Variants in CPNE3 observed in about 807,000 individuals in gnomAD.
The protein encoded by CPNE3 is copine-3.
Under a neutral mutation model 63.9 loss-of-function variants are expected in CPNE3, and 68 were observed. The observed-to-expected ratio is 1.06, with a 90% CI of 0.87 to 1.30. The LOEUF is 1.30. Ranked by LOEUF, CPNE3 falls within the 50% of genes most tolerant of loss-of-function variation. The pLI, the probability that CPNE3 is intolerant of heterozygous loss-of-function variation, is 0.00. For synonymous variants in CPNE3, 219 were observed against 197.5 expected (o/e 1.11, Z -0.91); for missense variants, 665 against 578.1 (o/e 1.15, Z -1.54).
rs369417999 is a variant in CPNE3 at position 86,528,981 on chromosome 8, C to A, written c.169C>A (p.Pro57Thr). 123 of 1,613,528 alleles carry A rather than the reference C, an allele frequency of 7.6e-5. No individual in the cohort carries two copies. Among genetic ancestry groups the A allele is most frequent in the Non-Finnish European group, 9.7e-5 (115 of 1,179,856 alleles). Residue 57 changes from proline (P) to threonine (T), a missense_variant, in exon 4 of 17, where the codon CCC becomes ACC. Physicochemically the swap from Pro to Thr is conservative, Grantham distance 38 (BLOSUM62 -1). Transcript: ENST00000517490. The stretch of plus-strand genomic sequence containing the variant: ...AGAAAGGATTAAGAATTGCTTGAAT[C>A]CCCAATTTTCCAAGACATTTATTAT... Reference protein sequence around the residue: ...RTERIKNCLNPQFSKTFIIDY... With the variant: ...RTERIKNCLNTQFSKTFIIDY...
intron 4 of CPNE3, among the ~76,000 whole-genome samples, chr8:86,529,509 G>T (rs1265359108): frequency 6.6e-6 from 1 of 152,082 alleles, no homozygotes; most frequent in Non-Finnish European, 1.5e-5. Context: ...GACTCGCAAT[G>T]CCCCAATACC....
intron 4 of CPNE3, among the ~76,000 whole-genome samples, chr8:86,530,195 G>GT (rs1820641520): frequency 6.7e-6 from 1 of 149,542 alleles, no homozygotes; most frequent in Non-Finnish European, 1.5e-5. Context: ...TTTGAGACAG[G>GT]GTCTCACTAA....
intron 14 of CPNE3, among the ~76,000 whole-genome samples, chr8:86,552,300 C>T (rs1191257566): frequency 6.6e-6 from 1 of 152,146 alleles, no homozygotes; most frequent in East Asian, 1.9e-4. Flanking sequence ...TGTTCTTTTC[C>T]CCAGAACACT....
chr8:86,560,764 C>T lies in CPNE3; in HGVS notation c.*2354C>T, dbSNP rs933306775. 1 of 152,152 alleles carries T rather than the reference C, an allele frequency of 6.6e-6. No individual in the cohort carries two copies. Among genetic ancestry groups the T allele is most frequent in the Non-Finnish European group, 1.5e-5 (1 of 68,020 alleles). 9.4% of individuals were successfully genotyped at this position (152,152 alleles called of 1,614,324 possible). On this transcript the variant is annotated 3_prime_UTR_variant, in exon 17 of 17. Coordinates refer to ENST00000517490, the MANE Select transcript of CPNE3 (RefSeq NM_003909.5). Reference sequence around the variant, plus strand: ...TTTTCACAGTTTCAGCACTCAACCTCATCATACGCTGATTTAATATTGTTT... The same window carrying T: ...TTTTCACAGTTTCAGCACTCAACCTTATCATACGCTGATTTAATATTGTTT...
chr8:86,537,755 C>T, intron 7 of CPNE3, 109 bp downstream of exon 7: 1 of 695,674 alleles, frequency 1.4e-6, no homozygotes, highest in East Asian at 2.7e-5. Context: ...TTCATACTTA[C>T]ATATAGCCAG....
In CPNE3 at chr8:86,532,560, G is replaced by A; in HGVS notation, c.439G>A (p.Ala147Thr). 1 of 1,613,120 alleles carries A rather than the reference G, an allele frequency of 6.2e-7. No individual in the cohort carries two copies. The highest frequency in any genetic ancestry group is 8.5e-7 in the Non-Finnish European group (1 of 1,179,534). The change falls in exon 6 of 17, where the codon GCC becomes ACC. Residue 147 changes from alanine (A) to threonine (T), a missense_variant. Ala to Thr is a moderately conservative substitution (Grantham distance 58). Coordinates refer to ENST00000517490, the MANE Select transcript of CPNE3 (RefSeq NM_003909.5). ...DNRVVLFEME[A>T]RKLDNKDLFG... ...TAGAGTGGTCTTGTTTGAAATGGAA[G>A]CCAGAAAACTGGATAATAAGGTGGG...
chr8:86,547,806 TTCC>T (rs754247935), intron 11 of CPNE3, 36 bp downstream of exon 11: 2 of 931,156 alleles, frequency 2.1e-6, no homozygotes, highest in Admixed American at 3.6e-5. Context: ...CATAGGCTTT[TTCC>T]TCCATGTTGC....
chr8:86,530,124 TG>T (rs1820638590), intron 4 of CPNE3, among the ~76,000 whole-genome samples: 1 of 152,014 alleles, frequency 6.6e-6, no homozygotes, highest in Non-Finnish European at 1.5e-5. Context: ...ATGACATTTT[TG>T]GGGAGTTAAA....
At chr8:86,558,173 C>A in intron 16 of CPNE3, 115 bp from the exon 17 acceptor site, 1 of 753,982 alleles carries the variant, frequency 1.3e-6, no homozygotes, top group Non-Finnish European at 2.4e-6. Context: ...AAGGTACAGG[C>A]CTATGAATTA....
chr8:86,532,396 A>G (rs367839731), intron 5 of CPNE3, 113 bp from the exon 6 acceptor site: 23 of 626,428 alleles, frequency 3.7e-5, no homozygotes, highest in African/African-American at 2.4e-4. Context: ...AACATTTTAG[A>G]ATTCATTTAT....
Position 86,555,002 on chromosome 8 carries a change from A to G in CPNE3, c.1254+18A>G. The G allele has an allele frequency of 6.2e-7, 1 of 1,613,762 alleles. No homozygotes were observed. The highest frequency in any genetic ancestry group is 8.5e-7 in the Non-Finnish European group (1 of 1,179,916). On this transcript the variant is annotated intron_variant, in intron 15 of 16. Transcript: ENST00000517490. Reference sequence around the variant, plus strand: ...CAGCTTCTGTAAGTGCTCTATGGCCAGGGAATGGGAAGAATGTGGATTGGT... The same window carrying G: ...CAGCTTCTGTAAGTGCTCTATGGCCGGGGAATGGGAAGAATGTGGATTGGT...
intron 14 of CPNE3, 79 bp downstream of exon 14, chr8:86,551,313 T>G: frequency 9.7e-7 from 1 of 1,034,758 alleles, no homozygotes; most frequent in Non-Finnish European, 1.5e-6. Flanking sequence ...GTTCTTTGTT[T>G]TTTTTCTTGT....
At chr8:86,553,950 G>A (rs573579108) in intron 14 of CPNE3, 10 of 152,276 alleles carry the variant, frequency 6.6e-5, no homozygotes, top group African/African-American at 2.4e-4. Context: ...GGGTTGTGCT[G>A]TTGTAATAAA....
At chr8:86,553,944 T>C (rs947804303) in intron 14 of CPNE3, 1 of 152,176 alleles carries the variant, frequency 6.6e-6, no homozygotes, top group Non-Finnish European at 1.5e-5. Flanking sequence ...TTCACTGGGT[T>C]GTGCTGTTGT....
chr8:86,544,471 T>C (rs1821006042), intron 8 of CPNE3, among the ~76,000 whole-genome samples: 1 of 152,172 alleles, frequency 6.6e-6, no homozygotes, highest in South Asian at 2.1e-4. Flanking sequence ...TGGAAACTGC[T>C]TAATGTGGAA....
intron 2 of CPNE3, among the ~76,000 whole-genome samples, chr8:86,523,585 G>GTTTGT (rs370497901): frequency 3.2e-4 from 49 of 152,192 alleles, no homozygotes; most frequent in African/African-American, 1.0e-3. Context: ...CATTTGAAGT[G>GTTTGT]TTTGTTTTGT....
In CPNE3 at chr8:86,547,704, T is replaced by C; in HGVS notation, c.820-7T>C. The C allele has an allele frequency of 2.5e-6, 3 of 1,177,676 alleles. No homozygotes were observed. The highest frequency in any genetic ancestry group is 3.8e-6 in the Non-Finnish European group (3 of 789,562). 73.0% of individuals were successfully genotyped at this position (1,177,676 alleles called of 1,614,324 possible). A position where few individuals can be genotyped will look rare whatever the true frequency, so the allele number is the denominator to read the frequency against. On this transcript the variant is annotated splice_polypyrimidine_tract_variant and splice_region_variant and intron_variant, in intron 10 of 16. Coordinates refer to ENST00000517490, the MANE Select transcript of CPNE3 (RefSeq NM_003909.5). ...AGTTGTAATTTTAAGTTTTCTCTTA[T>C]TTTTAGATTACAGTAGAATGCACAT...
At chr8:86,517,578 AAATT>A (rs1309699499) in intron 2 of CPNE3, among the ~76,000 whole-genome samples, 1 of 152,232 alleles carries the variant, frequency 6.6e-6, no homozygotes, top group Non-Finnish European at 1.5e-5. Context: ...AAAGAAGTGA[AAATT>A]AAGACAAATA....
intron 12 of CPNE3, among the ~76,000 whole-genome samples, chr8:86,550,452 C>A (rs957399232): frequency 6.6e-6 from 1 of 152,076 alleles, no homozygotes; most frequent in African/African-American, 2.4e-5. Context: ...AGGAATATTC[C>A]TCGTAGAAAA....
Sources: allele counts gnomAD v4.1 joint callset (sites outside exome capture counted in the v4.1 genomes callset), GRCh38; gene constraint gnomAD v4.1.1; transcripts MANE v1.5; gene names NCBI Gene and HGNC (gene_info 2026-07-23, HGNC 2026-07-21).